Variants in BRWD1 observed in about 807,000 individuals in gnomAD.
BRWD1 encodes bromodomain and WD repeat domain containing 1.
In BRWD1, 82 loss-of-function variants were observed where a neutral mutation model predicts 251.2. The ratio of observed to expected loss-of-function variants is 0.33; its 90% CI spans 0.27 to 0.39. The LOEUF (loss-of-function observed/expected upper bound fraction) is 0.39, where lower values mean the gene tolerates loss of function less well. BRWD1 is among the 10% of genes least tolerant of loss of function. The pLI is 1.00. For missense variants in BRWD1, 2,233 were observed against 2,711.6 expected (o/e 0.82, Z 3.92); for synonymous variants, 918 against 902.8 (o/e 1.02, Z -0.30).
Position 39,286,297 on chromosome 21 carries a change from C to T in BRWD1, c.832-6049G>A, listed in dbSNP as rs570831291. Among the ~76,000 whole-genome samples the T allele has an allele frequency of 5.9e-5, 9 of 152,006 alleles. 1 individual carries two copies. The highest frequency in any genetic ancestry group is 1.7e-4 in the African/African-American group (7 of 41,466). ...CCTCCCAAAGTGCTGGGATTACAGG[C>T]GTAAGCCACCGCGCCCGGCCCATAT... On this transcript the variant is annotated intron_variant, in intron 8 of 40. Coordinates refer to ENST00000342449, the MANE Select transcript of BRWD1 (RefSeq NM_033656.4).
At chr21:39,240,932 ACT>A (rs1324396088) in intron 21 of BRWD1, among the ~76,000 whole-genome samples, 2 of 150,704 alleles carry the variant, frequency 1.3e-5, no homozygotes, top group Non-Finnish European at 2.9e-5. Context: ...ACAGAGTTTC[ACT>A]CTGTCACCCA....
At chr21:39,252,880 T>C (rs1368437753) in intron 19 of BRWD1, among the ~76,000 whole-genome samples, 1 of 152,216 alleles carries the variant, frequency 6.6e-6, no homozygotes, top group Non-Finnish European at 1.5e-5. Context: ...AGAAATGCCC[T>C]TTTTGACATC....
rs2031308952 is a variant in BRWD1, at chr21:39,187,498, A to AAATTTC, written c.*8760_*8761insGAAATT. 6.9e-7 allele frequency: 1 copy of AAATTTC among 1,459,492 alleles called. No individual in the cohort carries two copies. The highest frequency in any genetic ancestry group is 2.8e-5 in the Admixed American group (1 of 36,292). 90.4% of individuals were successfully genotyped at this position (1,459,492 alleles called of 1,614,324 possible). On this transcript the variant is annotated 3_prime_UTR_variant, in exon 41 of 41. Transcript: ENST00000342449. ...ACTACTGCTAACATTCCTCAACAACACTCATTCGGAAACAATAAATTTAAA... is the reference window on the plus strand; with the variant it reads ...ACTACTGCTAACATTCCTCAACAACAAATTTCCTCATTCGGAAACAATAAATTTAAA...
chr21:39,260,164 T>A (rs2034694287), intron 17 of BRWD1, among the ~76,000 whole-genome samples: 1 of 152,204 alleles, frequency 6.6e-6, no homozygotes, highest in Non-Finnish European at 1.5e-5. Flanking sequence ...AGGCTTAATC[T>A]AAAAAGATAA....
intron 4 of BRWD1, among the ~76,000 whole-genome samples, chr21:39,301,419 T>C (rs2036108630): frequency 6.6e-6 from 1 of 152,174 alleles, no homozygotes; most frequent in African/African-American, 2.4e-5. Context: ...GCTATCACAC[T>C]GGAAAGACCA....
At chr21:39,238,597 A>T in intron 21 of BRWD1, 24 bp from the exon 22 acceptor site, 1 of 1,536,526 alleles carries the variant, frequency 6.5e-7, no homozygotes, top group Non-Finnish European at 9.0e-7. Context: ...GGGGGAAAAA[A>T]ATCTTGATCC....
intron 8 of BRWD1, among the ~76,000 whole-genome samples, chr21:39,286,382 A>G (rs11909443): frequency 0.015 from 2,317 of 152,174 alleles, 56 homozygotes; most frequent in African/African-American, 0.053. Context: ...CTGTGCAGCC[A>G]TCGCCACTAC....
intron 8 of BRWD1, 149 bp from the exon 9 acceptor site, chr21:39,280,397 C>T: frequency 1.6e-6 from 1 of 621,490 alleles, no homozygotes; most frequent in South Asian, 2.0e-5. Flanking sequence ...GTGAAAAAAT[C>T]ATAACCTCTC....
At chr21:39,306,946 T>A (rs149302601) in intron 4 of BRWD1, among the ~76,000 whole-genome samples, 2,314 of 152,280 alleles carry the variant, frequency 0.015, 56 homozygotes, top group African/African-American at 0.053. Context: ...CTCTGCCTCC[T>A]GGGTTCAAGT....
Position 39,227,070 on chromosome 21 carries a change from C to T in BRWD1, c.3208+1430G>A, listed in dbSNP as rs2033413112. Among the ~76,000 whole-genome samples the T allele has an allele frequency of 1.3e-5, 2 of 151,888 alleles. 1 individual carries two copies. Among genetic ancestry groups the T allele is most frequent in the South Asian group, 4.2e-4 (2 of 4,796 alleles). On this transcript the variant is annotated intron_variant, in intron 27 of 40. Coordinates refer to ENST00000342449, the MANE Select transcript of BRWD1 (RefSeq NM_033656.4). ...AAAAAGGAGGCTGAGGTGGGAGGAT[C>T]GCTTGAGCCCAGGAAGTTGAGGCTG...
At chr21:39,206,006 G>A in intron 37 of BRWD1, 102 bp downstream of exon 37, 1 of 1,155,566 alleles carries the variant, frequency 8.7e-7, no homozygotes, top group Non-Finnish European at 1.2e-6. Flanking sequence ...CTTGAACCCG[G>A]GAGGCAGAGA....
chr21:39,228,972 A>G (rs1326941806), intron 26 of BRWD1, among the ~76,000 whole-genome samples: 1 of 152,234 alleles, frequency 6.6e-6, no homozygotes, highest in Non-Finnish European at 1.5e-5. Flanking sequence ...TGGTAACCTT[A>G]TTAGACAGCA....
At chr21:39,218,684 G>C (rs761315855) in intron 29 of BRWD1, 24 bp from the exon 30 acceptor site, 1 of 1,538,842 alleles carries the variant, frequency 6.5e-7, no homozygotes, top group South Asian at 1.3e-5. Flanking sequence ...AAAAAACAAT[G>C]AGAGGAAGAA....
In BRWD1 at chr21:39,190,811, G is replaced by A. The variant is rs920605298; in HGVS notation, c.*5448C>T. The A allele has an allele frequency of 1.0e-6, 1 of 985,284 alleles. No homozygotes were observed. The highest frequency in any genetic ancestry group is 1.7e-5 in the African/African-American group (1 of 57,304). 61.0% of individuals were successfully genotyped at this position (985,284 alleles called of 1,614,324 possible). On this transcript the variant is annotated 3_prime_UTR_variant, in exon 41 of 41. Coordinates refer to ENST00000342449, the MANE Select transcript of BRWD1 (RefSeq NM_033656.4). ...TAACACTGCAGTATGGCAGCATCAG[G>A]TCAAAAGACCATCAGAAATAATTCC...
At chr21:39,292,330 C>A (rs1052835289) in intron 8 of BRWD1, among the ~76,000 whole-genome samples, 1 of 152,126 alleles carries the variant, frequency 6.6e-6, no homozygotes, top group Non-Finnish European at 1.5e-5. Flanking sequence ...ATTTCTGTTA[C>A]ACTGACAGCC....
intron 19 of BRWD1, among the ~76,000 whole-genome samples, chr21:39,254,458 AT>A (rs2034498808): frequency 6.6e-6 from 1 of 152,242 alleles, no homozygotes; most frequent in Non-Finnish European, 1.5e-5. Context: ...AAAAGAGATG[AT>A]TTAAACATCA....
At chr21:39,303,745 C>T (rs2036195425) in intron 4 of BRWD1, among the ~76,000 whole-genome samples, 1 of 151,582 alleles carries the variant, frequency 6.6e-6, no homozygotes, top group Non-Finnish European at 1.5e-5. Flanking sequence ...ACGGCTTGAG[C>T]CCAGGAGGCT....
intron 37 of BRWD1, among the ~76,000 whole-genome samples, chr21:39,205,687 G>C (rs1028884593): frequency 6.6e-6 from 1 of 152,018 alleles, no homozygotes; most frequent in Admixed American, 6.5e-5. Flanking sequence ...CAGGAGAACT[G>C]CTTGACCCGG....
chr21:39,198,680 T>G, intron 40 of BRWD1, 83 bp downstream of exon 40: 1 of 1,282,492 alleles, frequency 7.8e-7, no homozygotes, highest in Non-Finnish European at 1.1e-6. Context: ...AGGGAAACTT[T>G]TTCGGGGGGA....
Sources: gnomAD v4.1 joint callset for allele counts (sites outside exome capture counted in the v4.1 genomes callset) on GRCh38, gnomAD v4.1.1 for gene constraint, MANE v1.5 for transcripts, NCBI Gene and HGNC (gene_info 2026-07-23, HGNC 2026-07-21) for gene names.